The following ASH1L variants were observed in gnomAD, a reference collection of about 807,000 sequenced individuals.
ASH1L encodes histone-lysine N-methyltransferase ASH1L.
In ASH1L, 23 loss-of-function variants were observed where a neutral mutation model predicts 269.0. The observed-to-expected ratio is 0.09, with a 90% CI of 0.06 to 0.12. The LOEUF is 0.12. ASH1L is among the 10% of genes least tolerant of loss of function. The pLI is 1.00. For missense variants in ASH1L, 2,912 were observed against 3,567.8 expected, an observed-to-expected ratio of 0.82 and a Z score of 4.68; for synonymous variants, 1,187 against 1,253.5, an observed-to-expected ratio of 0.95 and a Z score of 1.12.
At chr1:155,553,830 A>G (rs1288198714) in intron 1 of ASH1L, among the ~76,000 whole-genome samples, 1 of 148,984 alleles carries the variant, frequency 6.7e-6, no homozygotes, top group Non-Finnish European at 1.5e-5. Context: ...ATGAAATCTC[A>G]CTGTCACCCA....
chr1:155,500,117 T>G (rs1667409948), intron 2 of ASH1L, among the ~76,000 whole-genome samples: 1 of 152,232 alleles, frequency 6.6e-6, no homozygotes, highest in South Asian at 2.1e-4. Context: ...TGGCAGGGAT[T>G]TGCTTTGCCC....
chr1:155,389,915 T>A (rs1241141893), intron 7 of ASH1L, among the ~76,000 whole-genome samples: 4 of 151,276 alleles, frequency 2.6e-5, no homozygotes, highest in African/African-American at 9.7e-5. Flanking sequence ...TCTTTGGATT[T>A]TTTTTTTATA....
Position 155,339,322 on chromosome 1 carries a change from A to G in ASH1L, c.8501+6T>C. Reference sequence around the variant, plus strand: ...TAGGATCCTCATATCCCCCCATGGGACTTACCGTCCTCCATTCCTCTTGTA... The same window carrying G: ...TAGGATCCTCATATCCCCCCATGGGGCTTACCGTCCTCCATTCCTCTTGTA... On this transcript the variant is annotated splice_donor_region_variant and intron_variant, in intron 26 of 27. Transcript: ENST00000392403. The G allele has an allele frequency of 1.2e-6, 2 of 1,613,316 alleles. No homozygotes were observed. Among genetic ancestry groups the G allele is most frequent in the Non-Finnish European group, 1.7e-6 (2 of 1,179,314 alleles).
chr1:155,379,956 T>C, intron 8 of ASH1L, 87 bp downstream of exon 8: 2 of 972,898 alleles, frequency 2.1e-6, no homozygotes, highest in Admixed American at 2.0e-5. Context: ...GATGAAAACA[T>C]AACAAGGGGA....
At chr1:155,551,356 T>C (rs1671189882) in intron 1 of ASH1L, among the ~76,000 whole-genome samples, 1 of 152,180 alleles carries the variant, frequency 6.6e-6, no homozygotes, top group African/African-American at 2.4e-5. Context: ...TTCAGGAATC[T>C]TGAGTCTATC....
intron 5 of ASH1L, 86 bp downstream of exon 5, chr1:155,438,241 G>A: frequency 1.5e-6 from 2 of 1,349,098 alleles, no homozygotes; most frequent in South Asian, 1.5e-5. Context: ...AAGGTTATAA[G>A]ATGAAATAAT....
rs191512829 is a variant in ASH1L at position 155,378,270 on chromosome 1, C to T, written c.6332+11G>A. The T allele has an allele frequency of 1.2e-6, 2 of 1,603,594 alleles. No individual in the cohort carries two copies. Among genetic ancestry groups the T allele is most frequent in the East Asian group, 4.5e-5 (2 of 44,792 alleles). ...AGCCTATGCTTTAGAGAAATCAAAG[C>T]ATGACAGTACCTATTGAGGCAGTCA... On this transcript the variant is annotated intron_variant, in intron 10 of 27. Transcript: ENST00000392403.
chr1:155,436,592 G>A (rs759999182), intron 5 of ASH1L, among the ~76,000 whole-genome samples: 1 of 148,518 alleles, frequency 6.7e-6, no homozygotes, highest in Non-Finnish European at 1.5e-5. Context: ...CGCCTCCTGG[G>A]TTCAAGCAAT....
intron 6 of ASH1L, among the ~76,000 whole-genome samples, chr1:155,412,656 AGGG>A (rs1222286316): frequency 1.3e-5 from 2 of 152,112 alleles, no homozygotes; most frequent in Non-Finnish European, 2.9e-5. Context: ...TCAAACCCAA[AGGG>A]GGGATTGTGG....
chr1:155,373,592 C>T (rs1360348866), intron 10 of ASH1L, among the ~76,000 whole-genome samples: 2 of 152,146 alleles, frequency 1.3e-5, no homozygotes, highest in African/African-American at 4.8e-5. Context: ...TGAGCCAATG[C>T]ACCTGGCTGT....
intron 6 of ASH1L, among the ~76,000 whole-genome samples, chr1:155,407,867 G>T (rs1269703348): frequency 6.6e-6 from 1 of 151,930 alleles, no homozygotes; most frequent in Non-Finnish European, 1.5e-5. Context: ...AAAAAAAATT[G>T]TATTTATATT....
At position 155,339,314 on chromosome 1, in the gene ASH1L, C is replaced by G. The variant is rs765084257; in HGVS notation, c.8501+14G>C. ...CAATCCCTTAGGATCCTCATATCCC[C>G]CCATGGGACTTACCGTCCTCCATTC... On this transcript the variant is annotated intron_variant, in intron 26 of 27. Coordinates refer to ENST00000392403, the MANE Select transcript of ASH1L (RefSeq NM_018489.3). 3.7e-6 allele frequency: 6 copies of G among 1,612,664 alleles called. No individual in the cohort carries two copies. The Admixed American group carries it at 5.0e-5, about 13-fold the overall frequency.
At chr1:155,378,209 G>T (rs1656634255) in intron 10 of ASH1L, 72 bp downstream of exon 10, 2 of 1,173,660 alleles carry the variant, frequency 1.7e-6, no homozygotes, top group Non-Finnish European at 2.5e-6. Context: ...CTATTTAACT[G>T]TACCCTCCAA....
At chr1:155,540,025 C>A (rs1427228097) in intron 1 of ASH1L, among the ~76,000 whole-genome samples, 2 of 151,786 alleles carry the variant, frequency 1.3e-5, no homozygotes, top group Non-Finnish European at 2.9e-5. Flanking sequence ...GCTATGATTG[C>A]ACCACTGACT....
intron 7 of ASH1L, among the ~76,000 whole-genome samples, chr1:155,386,952 G>T (rs1571069783): frequency 6.6e-6 from 1 of 151,304 alleles, no homozygotes; most frequent in East Asian, 1.9e-4. Context: ...GTCTTTCAGG[G>T]TTTTTATAGT....
chr1:155,339,908 AGAT>A (rs1299472146), intron 25 of ASH1L, among the ~76,000 whole-genome samples: 1 of 152,178 alleles, frequency 6.6e-6, no homozygotes, highest in Non-Finnish European at 1.5e-5. Context: ...TGACATCACT[AGAT>A]GATAGGAAGG....
intron 1 of ASH1L, among the ~76,000 whole-genome samples, chr1:155,558,125 G>A (rs756536766): frequency 3.3e-5 from 5 of 152,106 alleles, no homozygotes; most frequent in African/African-American, 4.8e-5. Flanking sequence ...TCAGAATAAA[G>A]ACTCAAGTGG....
In ASH1L at chr1:155,477,949, G is replaced by A; in HGVS notation, c.4921C>T (p.Leu1641=). 6.2e-7 allele frequency: 1 copy of A among 1,614,166 alleles called. No homozygotes were observed. Among genetic ancestry groups the A allele is most frequent in the Non-Finnish European group, 8.5e-7 (1 of 1,179,980 alleles). ...GACTCCTTTCTGTGAAGCCGATTTAGTGAAGTGTCCTGTGCAGAAAAGAGT... is the reference window on the plus strand; with the variant it reads ...GACTCCTTTCTGTGAAGCCGATTTAATGAAGTGTCCTGTGCAGAAAAGAGT... ...PGLFSAQDTS[L]NRLHRKESLP... The change falls in exon 3 of 28, where the codon CTA becomes TTA. Residue 1641 remains leucine, a synonymous_variant. Transcript: ENST00000392403.
chr1:155,407,293 C>T (rs866853677), intron 6 of ASH1L, among the ~76,000 whole-genome samples: 3 of 152,064 alleles, frequency 2.0e-5, no homozygotes, highest in South Asian at 2.1e-4. Flanking sequence ...CAACATAGGA[C>T]GGGCTGTGGA....
Sources: allele counts gnomAD v4.1 joint callset (sites outside exome capture counted in the v4.1 genomes callset), GRCh38; gene constraint gnomAD v4.1.1; transcripts MANE v1.5; gene names NCBI Gene and HGNC (gene_info 2026-07-23, HGNC 2026-07-21).